Variants in ZC3H10 observed in about 807,000 individuals in gnomAD.
ZC3H10 encodes zinc finger CCCH domain-containing protein 10.
A neutral mutation model predicts 24.3 loss-of-function variants in ZC3H10; 12 were observed. The observed-to-expected ratio is 0.49, with a 90% CI of 0.32 to 0.80. ZC3H10 has a LOEUF of 0.80. ZC3H10 is among the 30% of genes least tolerant of loss of function. The probability of loss-of-function intolerance (pLI) is 0.04; values close to 1 mark genes in which losing one functional copy is unlikely to be tolerated. For missense variants in ZC3H10, 360 were observed against 576.3 expected, an observed-to-expected ratio of 0.62 and a Z score of 3.84; for synonymous variants, 226 against 217.0, an observed-to-expected ratio of 1.04 and a Z score of -0.36.
chr12:56,126,165 G>C lies in ZC3H10; in HGVS notation c.*4298G>C, dbSNP rs374964412. 6.6e-6 allele frequency: 1 copy of C among 152,208 alleles called. No individual in the cohort carries two copies. The highest frequency in any genetic ancestry group is 2.4e-5 in the African/African-American group (1 of 41,442). 9.4% of individuals were successfully genotyped at this position (152,208 alleles called of 1,614,324 possible). A position where few individuals can be genotyped will look rare whatever the true frequency, so the allele number is the denominator to read the frequency against. On this transcript the variant is annotated 3_prime_UTR_variant, in exon 3 of 3. Coordinates refer to ENST00000257940, the MANE Select transcript of ZC3H10 (RefSeq NM_032786.3). ...CTTGTTGCCCTTCCCATCTTTGTGA[G>C]CTGAGATCAGAGTACCGTATCTCAC...
chr12:56,126,929 A>G lies in ZC3H10; in HGVS notation c.*5062A>G, dbSNP rs1870013446. On this transcript the variant is annotated 3_prime_UTR_variant, in exon 3 of 3. Coordinates refer to ENST00000257940, the MANE Select transcript of ZC3H10 (RefSeq NM_032786.3). ...TGGTAAACACAGGCTGATGAAATCT[A>G]TGCCCTGCAGAACCAGATAAAATTT... 6.6e-6 allele frequency: 1 copy of G among 152,138 alleles called. No homozygotes were observed. Among genetic ancestry groups the G allele is most frequent in the African/African-American group, 2.4e-5 (1 of 41,430 alleles). 9.4% of individuals were successfully genotyped at this position (152,138 alleles called of 1,614,324 possible). A position where few individuals can be genotyped will look rare whatever the true frequency, so the allele number is the denominator to read the frequency against.
rs1285811738 is a variant in ZC3H10, at chr12:56,120,947, G to T, written c.385G>T (p.Asp129Tyr). The change falls in exon 3 of 3, where the codon GAC becomes TAC. Residue 129 changes from aspartate to tyrosine, a missense_variant. Transcript: ENST00000257940. ...AGCTGGCCTTGGCCTTTCACCGGCT[G>T]ACCTACCAAATGGCAAGGAGGAGGT... is the stretch of plus-strand genomic sequence containing the variant. ...VAAGLGLSPA[D>Y]LPNGKEEVPI... 2 of 1,614,192 alleles carry T rather than the reference G, an allele frequency of 1.2e-6. No individual in the cohort carries two copies. The highest frequency in any genetic ancestry group is 1.7e-6 in the Non-Finnish European group (2 of 1,180,034).
rs949878562 is a variant in ZC3H10 at position 56,118,267 on chromosome 12, T to G, written c.-168T>G. 1.3e-5 allele frequency: 2 copies of G among 153,484 alleles called. No homozygotes were observed. Among genetic ancestry groups the G allele is most frequent in the African/African-American group, 4.8e-5 (2 of 41,398 alleles). The allele number at this position is 153,484 out of a possible 1,614,324, so 9.5% of individuals were successfully genotyped here. On this transcript the variant is annotated 5_prime_UTR_variant, in exon 1 of 3. Coordinates refer to ENST00000257940, the MANE Select transcript of ZC3H10 (RefSeq NM_032786.3). ...GAGCGATCGGGTAGGCGGCTCTTTG[T>G]CGAAGCTAGAGGACCGGCAGGCGGC...
rs946692408 is a variant in ZC3H10 at position 56,124,704 on chromosome 12, T to A, written c.*2837T>A. 6.6e-6 allele frequency: 1 copy of A among 152,226 alleles called. No individual in the cohort carries two copies. Among genetic ancestry groups the A allele is most frequent in the African/African-American group, 2.4e-5 (1 of 41,454 alleles). The allele number at this position is 152,226 out of a possible 1,614,324, so 9.4% of individuals were successfully genotyped here. A position where few individuals can be genotyped will look rare whatever the true frequency, so the allele number is the denominator to read the frequency against. On this transcript the variant is annotated 3_prime_UTR_variant, in exon 3 of 3. Transcript: ENST00000257940. ...GGTAAACATGTAAAAAACCCATTTA[T>A]CAACAGTAACACAGGAAGAGCTAAA...
rs552924978 is a variant in ZC3H10 at position 56,123,991 on chromosome 12, C to T, written c.*2124C>T. ...CACCATTGGGGATAACGTGGTGTGT[C>T]TCAGCATGAGGGTGTTAGGAACGAC... On this transcript the variant is annotated 3_prime_UTR_variant, in exon 3 of 3. Coordinates refer to ENST00000257940, the MANE Select transcript of ZC3H10 (RefSeq NM_032786.3). 6.6e-6 allele frequency: 1 copy of T among 152,086 alleles called. No individual in the cohort carries two copies. Among genetic ancestry groups the T allele is most frequent in the African/African-American group, 2.4e-5 (1 of 41,478 alleles). The allele number at this position is 152,086 out of a possible 1,614,324, so 9.4% of individuals were successfully genotyped here.
In ZC3H10 at chr12:56,121,525, A is replaced by G. The variant is rs1361593142; in HGVS notation, c.963A>G (p.Leu321=). 6 of 1,614,008 alleles carry G rather than the reference A, an allele frequency of 3.7e-6. No homozygotes were observed. Among genetic ancestry groups the G allele is most frequent in the East Asian group, 4.5e-5 (2 of 44,880 alleles). Residue 321 remains leucine, a synonymous_variant, in exon 3 of 3, where the codon CTA becomes CTG. Coordinates refer to ENST00000257940, the MANE Select transcript of ZC3H10 (RefSeq NM_032786.3). This position sits in a 1 kb window ranked among gnomAD's most constrained non-coding sequence, Gnocchi z 6.2. The stretch of plus-strand genomic sequence containing the variant: ...ACACTACTCTCAGCAGCCAGGCTCT[A>G]CAGCCTCGTCCAGTGTCCCAGCAAG... ...QTHTTLSSQA[L]QPRPVSQQEL... is the part of the protein sequence containing the mutation.
rs1869777629 is a variant in ZC3H10, at chr12:56,120,545, G to A, written c.-18G>A. ...AGAGTGGCAAGATAAAGAAAACCCT[G>A]AGTTGGGCGGGACCAGGATGCCTGA... On this transcript the variant is annotated 5_prime_UTR_variant, in exon 3 of 3. Coordinates refer to ENST00000257940, the MANE Select transcript of ZC3H10 (RefSeq NM_032786.3). 6.6e-7 allele frequency: 1 copy of A among 1,519,026 alleles called. No individual in the cohort carries two copies. The highest frequency in any genetic ancestry group is 2.2e-5 in the Admixed American group (1 of 46,066). The allele number at this position is 1,519,026 out of a possible 1,614,324, so 94.1% of individuals were successfully genotyped here.
rs1432594234 is a variant in ZC3H10, at chr12:56,121,381, T to A, written c.819T>A (p.Ala273=). ...ATNEVLLEQN[A]QFRNQAKVIT... ...ATGAGGTACTACTGGAACAAAATGC[T>A]CAGTTCCGCAATCAGGCCAAGGTCA... The change falls in exon 3 of 3, where the codon GCT becomes GCA. Residue 273 remains alanine (A), a synonymous_variant. Transcript: ENST00000257940. The surrounding 1 kb of genome is among the most constrained non-coding windows in gnomAD (Gnocchi z 6.2). 2 of 1,614,050 alleles carry A rather than the reference T, an allele frequency of 1.2e-6. No homozygotes were observed. The highest frequency in any genetic ancestry group is 1.7e-6 in the Non-Finnish European group (2 of 1,180,008).
rs1214078633 is a variant in ZC3H10, at chr12:56,125,716, T to G, written c.*3849T>G. 6.6e-6 allele frequency: 1 copy of G among 151,862 alleles called. No individual in the cohort carries two copies. Among genetic ancestry groups the G allele is most frequent in the East Asian group, 1.9e-4 (1 of 5,186 alleles). The allele number at this position is 151,862 out of a possible 1,614,324, so 9.4% of individuals were successfully genotyped here. Reference sequence around the variant, plus strand: ...GGGCCAGGAATCTATTCAGGCAGTCTCACTCCAGACGACAAAAGAAAGTTC... The same window carrying G: ...GGGCCAGGAATCTATTCAGGCAGTCGCACTCCAGACGACAAAAGAAAGTTC... On this transcript the variant is annotated 3_prime_UTR_variant, in exon 3 of 3. Coordinates refer to ENST00000257940, the MANE Select transcript of ZC3H10 (RefSeq NM_032786.3).
In ZC3H10 at chr12:56,120,517, C is replaced by A; in HGVS notation, c.-46C>A. 4.7e-6 allele frequency: 7 copies of A among 1,488,742 alleles called. No homozygotes were observed. The highest frequency in any genetic ancestry group is 6.2e-6 in the Non-Finnish European group (7 of 1,127,524). 92.2% of individuals were successfully genotyped at this position (1,488,742 alleles called of 1,614,324 possible). A position where few individuals can be genotyped will look rare whatever the true frequency, so the allele number is the denominator to read the frequency against. On this transcript the variant is annotated 5_prime_UTR_variant, in exon 3 of 3. Transcript: ENST00000257940. ...CAGTTCTCCTCTTTTGTAGTGGTCA[C>A]CAAGAGTGGCAAGATAAAGAAAACC...
chr12:56,122,128 GGACT>G lies in ZC3H10; in HGVS notation c.*268_*271del, dbSNP rs1869865636. Reference sequence around the variant, plus strand: ...GCAGACTGAAGCCAGCAGAGAGGAAGGACTGACTGAGGGGCTGTGTCCTCTTATG... The same window carrying G: ...GCAGACTGAAGCCAGCAGAGAGGAAGGACTGAGGGGCTGTGTCCTCTTATG... On this transcript the variant is annotated 3_prime_UTR_variant, in exon 3 of 3. Coordinates refer to ENST00000257940, the MANE Select transcript of ZC3H10 (RefSeq NM_032786.3). 2 of 498,270 alleles carry G rather than the reference GGACT, an allele frequency of 4.0e-6. No individual in the cohort carries two copies. Among genetic ancestry groups the G allele is most frequent in the Non-Finnish European group, 7.3e-6 (2 of 274,384 alleles). 30.9% of individuals were successfully genotyped at this position (498,270 alleles called of 1,614,324 possible).
At position 56,121,299 on chromosome 12, in the gene ZC3H10, T is replaced by C. The variant is rs1869818252; in HGVS notation, c.737T>C (p.Met246Thr). Reference sequence around the variant, plus strand: ...AGACTGCTAGAGGAGGAGAATGCCATGCTCAGGAAGCGGGTAGAGGAGTTA... The same window carrying C: ...AGACTGCTAGAGGAGGAGAATGCCACGCTCAGGAAGCGGGTAGAGGAGTTA... Reference protein sequence around the residue: ...ECRLLEEENAMLRKRVEELKK... With the variant: ...ECRLLEEENATLRKRVEELKK... Residue 246 changes from methionine (M) to threonine (T), a missense_variant, in exon 3 of 3, where the codon ATG (methionine) becomes ACG (threonine). Met to Thr is a moderately conservative substitution (Grantham distance 81). Around this residue, in one of 3 missense-constraint regions of ZC3H10, gnomAD observed 133 missense variants for 256.7 expected, o/e 0.52. Transcript: ENST00000257940. This position sits in a 1 kb window ranked among gnomAD's most constrained non-coding sequence, Gnocchi z 6.2. 2 of 1,613,378 alleles carry C rather than the reference T, an allele frequency of 1.2e-6. No individual in the cohort carries two copies. The highest frequency in any genetic ancestry group is 8.5e-7 in the Non-Finnish European group (1 of 1,179,942).
In ZC3H10 at chr12:56,123,331, C is replaced by T. The variant is rs1325472838; in HGVS notation, c.*1464C>T. On this transcript the variant is annotated 3_prime_UTR_variant, in exon 3 of 3. Coordinates refer to ENST00000257940, the MANE Select transcript of ZC3H10 (RefSeq NM_032786.3). ...GATGGTGGGCTAGGTCAAGGCCAGTCATTAAAAAAAAAAGCCTAAAGACTA... is the reference window on the plus strand; with the variant it reads ...GATGGTGGGCTAGGTCAAGGCCAGTTATTAAAAAAAAAAGCCTAAAGACTA... 1 of 149,026 alleles carries T rather than the reference C, an allele frequency of 6.7e-6. No homozygotes were observed. Among genetic ancestry groups the T allele is most frequent in the Admixed American group, 6.7e-5 (1 of 14,962 alleles). 9.2% of individuals were successfully genotyped at this position (149,026 alleles called of 1,614,324 possible). A position where few individuals can be genotyped will look rare whatever the true frequency, so the allele number is the denominator to read the frequency against.
In ZC3H10 at chr12:56,120,945, C is replaced by A; in HGVS notation, c.383C>A (p.Ala128Asp). The A allele has an allele frequency of 1.2e-6, 2 of 1,614,202 alleles. No individual in the cohort carries two copies. Residue 128 changes from alanine (A) to aspartate (D), a missense_variant, in exon 3 of 3, where the codon GCT becomes GAT. Ala to Asp is a moderately radical substitution (Grantham distance 126, BLOSUM62 -2). Around this residue, in one of 3 missense-constraint regions of ZC3H10, gnomAD observed 126 missense variants for 208.8 expected, o/e 0.60. Transcript: ENST00000257940. ...KVAAGLGLSPADLPNGKEEVP... is the reference protein window; with the variant it reads ...KVAAGLGLSPDDLPNGKEEVP... The stretch of plus-strand genomic sequence containing the variant: ...GCAGCTGGCCTTGGCCTTTCACCGG[C>A]TGACCTACCAAATGGCAAGGAGGAG...
At chr12:56,120,183 G>T in intron 2 of ZC3H10, 1 of 1,025,242 alleles carries the variant, frequency 9.8e-7, no homozygotes. Flanking sequence ...AGACTATTCA[G>T]ATACTGACTG....
chr12:56,121,702 A>G lies in ZC3H10; in HGVS notation c.1140A>G (p.Pro380=). 1.2e-6 allele frequency: 2 copies of G among 1,611,864 alleles called. No homozygotes were observed. The highest frequency in any genetic ancestry group is 1.7e-5 in the Admixed American group (1 of 59,758). Residue 380 remains proline, a synonymous_variant, in exon 3 of 3, where the codon CCA becomes CCG. Coordinates refer to ENST00000257940, the MANE Select transcript of ZC3H10 (RefSeq NM_032786.3). The surrounding 1 kb of genome is among the most constrained non-coding windows in gnomAD (Gnocchi z 6.2). ...AQTIAQGMAP[P]PVSMAPVAVS... ...CAATTGCCCAGGGAATGGCACCTCC[A>G]CCTGTCTCCATGGCTCCTGTGGCTG... is the stretch of plus-strand genomic sequence containing the variant.
Position 56,124,643 on chromosome 12 carries a change from G to C in ZC3H10, c.*2776G>C, listed in dbSNP as rs928161724. 1.3e-5 allele frequency: 2 copies of C among 152,168 alleles called. No homozygotes were observed. The highest frequency in any genetic ancestry group is 2.9e-5 in the Non-Finnish European group (2 of 68,024). 9.4% of individuals were successfully genotyped at this position (152,168 alleles called of 1,614,324 possible). A position where few individuals can be genotyped will look rare whatever the true frequency, so the allele number is the denominator to read the frequency against. ...CTGTTCTCTAGTGATAAGCCCAAGG[G>C]CTATGTTTTATTGTAAAAAGAAAAA... is the stretch of plus-strand genomic sequence containing the variant. On this transcript the variant is annotated 3_prime_UTR_variant, in exon 3 of 3. Coordinates refer to ENST00000257940, the MANE Select transcript of ZC3H10 (RefSeq NM_032786.3).
intron 2 of ZC3H10, 117 bp from the exon 3 acceptor site, chr12:56,120,394 A>G (rs1869772768): frequency 1.5e-6 from 2 of 1,354,156 alleles, no homozygotes; most frequent in Non-Finnish European, 1.9e-6. Context: ...CAGAATTCTT[A>G]TCCCTTAGAT....
In ZC3H10 at chr12:56,121,770, A is replaced by C; in HGVS notation, c.1208A>C (p.Gln403Pro). 1 of 1,614,080 alleles carries C rather than the reference A, an allele frequency of 6.2e-7. No homozygotes were observed. Among genetic ancestry groups the C allele is most frequent in the Non-Finnish European group, 8.5e-7 (1 of 1,179,992 alleles). ...PVAPVAVSMA[Q>P]PLAGITMSHT... The stretch of plus-strand genomic sequence containing the variant: ...GCCCCTGTGGCTGTATCGATGGCCC[A>C]ACCCTTGGCAGGAATCACAATGAGC... The change falls in exon 3 of 3, where the codon CAA (glutamine) becomes CCA (proline). Residue 403 changes from glutamine to proline, a missense_variant. Transcript: ENST00000257940. This position sits in a 1 kb window ranked among gnomAD's most constrained non-coding sequence, Gnocchi z 6.2.
Sources: allele counts gnomAD v4.1 joint callset, GRCh38; gene constraint gnomAD v4.1.1; regional missense constraint gnomAD v4.1.1; non-coding constraint Gnocchi (gnomAD v3.1); transcripts MANE v1.5; gene names NCBI Gene and HGNC (gene_info 2026-07-23, HGNC 2026-07-21).